Variants in ZNF423 observed in about 807,000 individuals in gnomAD.
The protein encoded by ZNF423 is Ebf-associated zinc finger protein.
In ZNF423, 12 loss-of-function variants were observed where a neutral mutation model predicts 95.8. The observed-to-expected ratio is 0.13, with a 90% CI of 0.08 to 0.20. ZNF423 has a LOEUF of 0.20. Ranked by LOEUF, ZNF423 falls within the 10% of genes least tolerant of loss-of-function variation. ZNF423 has a pLI of 1.00. For missense variants in ZNF423, 1,316 were observed against 1,737.1 expected, an observed-to-expected ratio of 0.76 and a Z score of 4.31; for synonymous variants, 749 against 711.9, an observed-to-expected ratio of 1.05 and a Z score of -0.83.
intron 1 of ZNF423, among the ~76,000 whole-genome samples, chr16:49,846,057 C>G (rs1022743536): frequency 6.6e-6 from 1 of 151,966 alleles, no homozygotes; most frequent in Non-Finnish European, 1.5e-5. Context: ...TAAAAAGCCA[C>G]GGATGAGGCC....
chr16:49,714,757 CA>C lies in ZNF423; in HGVS notation c.301+16013del, dbSNP rs11393701. On this transcript the variant is annotated intron_variant, in intron 3 of 7. Transcript: ENST00000563137. ...GCAACATAGTGAAACCCCATCTCTACAAAAAAAAAATTAATTTAAAAATAAA... is the reference window on the plus strand; with the variant it reads ...GCAACATAGTGAAACCCCATCTCTACAAAAAAAAATTAATTTAAAAATAAA... Among the ~76,000 whole-genome samples the C allele has an allele frequency of 1.4e-3, 214 of 148,638 alleles. 2 individuals are homozygous for C. Among genetic ancestry groups the C allele is most frequent in the African/African-American group, 4.4e-3 (178 of 40,420 alleles).
At chr16:49,548,280 C>A (rs913847113) in intron 5 of ZNF423, among the ~76,000 whole-genome samples, 2 of 152,052 alleles carry the variant, frequency 1.3e-5, no homozygotes, top group Admixed American at 1.3e-4. Flanking sequence ...TATTATATAC[C>A]ATAGAAACTG....
chr16:49,694,544 C>T (rs1305639962), intron 3 of ZNF423, among the ~76,000 whole-genome samples: 10 of 152,192 alleles, frequency 6.6e-5, no homozygotes. Flanking sequence ...GGAAATCATG[C>T]CCCCCGCCCC....
At chr16:49,574,499 C>CT (rs1481611300) in intron 5 of ZNF423, among the ~76,000 whole-genome samples, 1 of 152,246 alleles carries the variant, frequency 6.6e-6, no homozygotes, top group African/African-American at 2.4e-5. Context: ...GATGCTGATG[C>CT]TGCTGGTCCT....
At chr16:49,524,256 T>C (rs118188965) in intron 6 of ZNF423, among the ~76,000 whole-genome samples, 260 of 152,318 alleles carry the variant, frequency 1.7e-3, no homozygotes, top group Admixed American at 2.7e-3. Flanking sequence ...TGCTAGCAAG[T>C]GGCAGAGCCT....
rs146420897 is a variant in ZNF423, at chr16:49,776,536, C to G, written c.100+12951G>C. ...CACTGGGAGCTCACAAAGCTTCCCC[C>G]CAACCTGCAGCTGTCCAGCCTCCCC... On this transcript the variant is annotated intron_variant, in intron 2 of 7. Coordinates refer to ENST00000563137, the MANE Select transcript of ZNF423 (RefSeq NM_001379286.1). 3.7e-4 allele frequency among the ~76,000 whole-genome samples: 56 copies of G among 152,352 alleles called. No homozygotes were observed. In the East Asian group the frequency reaches 4.3e-3, roughly 12 times the overall value.
At chr16:49,776,229 G>C (rs949838640) in intron 2 of ZNF423, among the ~76,000 whole-genome samples, 1 of 152,240 alleles carries the variant, frequency 6.6e-6, no homozygotes, top group African/African-American at 2.4e-5. Context: ...GCCAAGCGGA[G>C]CTGGAGCAGC....
At chr16:49,758,015 T>C (rs1231264027) in intron 2 of ZNF423, among the ~76,000 whole-genome samples, 3 of 152,124 alleles carry the variant, frequency 2.0e-5, no homozygotes, top group Admixed American at 1.3e-4. Context: ...CAGCCTCTCA[T>C]CAAACTCTGA....
In ZNF423 at chr16:49,638,519, G is replaced by T. The variant is rs143251911; in HGVS notation, c.657C>A (p.Ile219=). 1.9e-5 allele frequency: 31 copies of T among 1,613,726 alleles called. No individual in the cohort carries two copies. The highest frequency in any genetic ancestry group is 2.5e-5 in the Non-Finnish European group (30 of 1,180,054). Residue 219 remains isoleucine (I), a synonymous_variant, in exon 4 of 8, where the codon ATC becomes ATA. Coordinates refer to ENST00000563137, the MANE Select transcript of ZNF423 (RefSeq NM_001379286.1). This position sits in a 1 kb window ranked among gnomAD's most constrained non-coding sequence, Gnocchi z 5.6. ...TGCTGGAGCTGTGGGTCTTCAGGTG[G>T]ATCTTGAGGTGGTCGCTGCGGGAGA... ...AAFSRSDHLK[I]HLKTHSSSKP... is the part of the protein sequence containing the mutation.
At chr16:49,724,806 G>A (rs1052701948) in intron 3 of ZNF423, among the ~76,000 whole-genome samples, 2 of 152,188 alleles carry the variant, frequency 1.3e-5, no homozygotes, top group African/African-American at 4.8e-5. Context: ...AGGGGCCAGG[G>A]AAACACTCTT....
chr16:49,767,156 A>T lies in ZNF423; in HGVS notation c.100+22331T>A, dbSNP rs1036613894. Among the ~76,000 whole-genome samples, 19 of 151,972 alleles carry T rather than the reference A, an allele frequency of 1.3e-4. 1 individual carries two copies. Among genetic ancestry groups the T allele is most frequent in the East Asian group, 5.8e-4 (3 of 5,150 alleles). On this transcript the variant is annotated intron_variant, in intron 2 of 7. Coordinates refer to ENST00000563137, the MANE Select transcript of ZNF423 (RefSeq NM_001379286.1). ...TTTTTTGTAGAGATGGGGTCTCGCTATGCTGCCCAGGCTGGTCTCAAACAG... is the reference window on the plus strand; with the variant it reads ...TTTTTTGTAGAGATGGGGTCTCGCTTTGCTGCCCAGGCTGGTCTCAAACAG...
In ZNF423 at chr16:49,629,696, G is replaced by A. The variant is rs146229443; in HGVS notation, c.3517-3442C>T. On this transcript the variant is annotated intron_variant, in intron 4 of 7. Coordinates refer to ENST00000563137, the MANE Select transcript of ZNF423 (RefSeq NM_001379286.1). ...TGAGCACCCAGAGAGCCAGGAATGT[G>A]TTTTGTCTACCTTTGAGGCAGCACA... Among the ~76,000 whole-genome samples, 19 of 152,342 alleles carry A rather than the reference G, an allele frequency of 1.2e-4. No individual in the cohort carries two copies. The East Asian group carries it at 3.5e-3, about 28-fold the overall frequency.
intron 5 of ZNF423, among the ~76,000 whole-genome samples, chr16:49,613,758 T>C (rs1971794880): frequency 6.6e-6 from 1 of 152,108 alleles, no homozygotes; most frequent in Non-Finnish European, 1.5e-5. Context: ...CATCAAATGA[T>C]ACAGGATCAA....
intron 5 of ZNF423, among the ~76,000 whole-genome samples, chr16:49,559,256 C>T (rs746156): frequency 0.66 from 100,866 of 152,242 alleles, 35,382 homozygotes; most frequent in African/African-American, 0.92. Context: ...TGCCACTTCC[C>T]GCTTTGTACT....
At chr16:49,711,713 T>C (rs2032549183) in intron 3 of ZNF423, 1 of 152,070 alleles carries the variant, frequency 6.6e-6, no homozygotes, top group Non-Finnish European at 1.5e-5. Flanking sequence ...TACGTAAAGG[T>C]GTAGGAGAAG....
intron 5 of ZNF423, among the ~76,000 whole-genome samples, chr16:49,594,203 G>A (rs1159455593): frequency 6.6e-6 from 1 of 152,100 alleles, no homozygotes; most frequent in Non-Finnish European, 1.5e-5. Flanking sequence ...TTAGACCCTG[G>A]TTCAGTTGTC....
chr16:49,777,480 T>C (rs951488643), intron 2 of ZNF423, among the ~76,000 whole-genome samples: 2 of 152,206 alleles, frequency 1.3e-5, no homozygotes, highest in Non-Finnish European at 2.9e-5. Context: ...ACTTGTGAAT[T>C]TACACATCAC....
intron 1 of ZNF423, among the ~76,000 whole-genome samples, chr16:49,812,819 T>C (rs1176045525): frequency 6.6e-6 from 1 of 152,040 alleles, no homozygotes; most frequent in East Asian, 1.9e-4. Context: ...GGAGGGGAGA[T>C]AAATACACGA....
intron 5 of ZNF423, among the ~76,000 whole-genome samples, chr16:49,615,938 C>T (rs905978405): frequency 4.6e-5 from 7 of 152,100 alleles, no homozygotes; most frequent in East Asian, 3.9e-4. Context: ...CCAGGGAGGC[C>T]GCTGCATACG....
Sources: allele counts gnomAD v4.1 joint callset (sites outside exome capture counted in the v4.1 genomes callset), GRCh38; gene constraint gnomAD v4.1.1; non-coding constraint Gnocchi (gnomAD v3.1); transcripts MANE v1.5; gene names NCBI Gene and HGNC (gene_info 2026-07-23, HGNC 2026-07-21).